Variants in JAKMIP1 observed in about 807,000 individuals in gnomAD.
JAKMIP1 encodes the protein janus kinase and microtubule-interacting protein 1.
Under a neutral mutation model 113.0 loss-of-function variants are expected in JAKMIP1, and 33 were observed. That is an observed-to-expected ratio of 0.29 (90% CI 0.22 to 0.39). The LOEUF (loss-of-function observed/expected upper bound fraction) is 0.39. Among genes scored for constraint, JAKMIP1 ranks in the 10% least tolerant of loss-of-function variants. The pLI is 1.00. For missense variants in JAKMIP1, 813 were observed against 1,080.5 expected (o/e 0.75, Z 3.47); for synonymous variants, 480 against 459.9 (o/e 1.04, Z -0.56).
In JAKMIP1 at chr4:6,176,663, G is replaced by C. The variant is rs1725377194; in HGVS notation, c.-148+23590C>G. On this transcript the variant is annotated intron_variant, in intron 1 of 20. Coordinates refer to ENST00000409021, the MANE Select transcript of JAKMIP1 (RefSeq NM_001099433.2). The surrounding 1 kb of genome is among the most constrained non-coding windows in gnomAD (Gnocchi z 5.5). The stretch of plus-strand genomic sequence containing the variant: ...TGCAGTGGTAGAATGACTCACCCAA[G>C]GTTCCACTGAACATGCAAAAGGACC... Among the ~76,000 whole-genome samples, 1 of 152,162 alleles carries C rather than the reference G, an allele frequency of 6.6e-6. No individual in the cohort carries two copies. The highest frequency in any genetic ancestry group is 1.5e-5 in the Non-Finnish European group (1 of 68,036).
chr4:6,077,425 G>A (rs1174897789), intron 8 of JAKMIP1, among the ~76,000 whole-genome samples: 7 of 151,478 alleles, frequency 4.6e-5, no homozygotes, highest in Non-Finnish European at 1.0e-4. Context: ...TGGCTCTACC[G>A]ACACCTTAAT....
In JAKMIP1 at chr4:6,048,760, A is replaced by G. The variant is rs1715299013; in HGVS notation, c.2028+97T>C. 1.9e-5 allele frequency: 19 copies of G among 1,006,284 alleles called. No homozygotes were observed. In the South Asian group the frequency reaches 2.3e-4, roughly 12 times the overall value. The allele number at this position is 1,006,284 out of a possible 1,614,324, so 62.3% of individuals were successfully genotyped here. A position where few individuals can be genotyped will look rare whatever the true frequency, so the allele number is the denominator to read the frequency against. On this transcript the variant is annotated intron_variant, in intron 16 of 20. Coordinates refer to ENST00000409021, the MANE Select transcript of JAKMIP1 (RefSeq NM_001099433.2). ...TGCAGACGCAGACGGACTGGAACGC[A>G]TGCTCCCACGCAAAGCAAGACGCCA...
rs1423616419 is a variant in JAKMIP1, at chr4:6,117,553, TG to T, written c.-147-4557del. 4.6e-5 allele frequency among the ~76,000 whole-genome samples: 7 copies of T among 152,256 alleles called. No homozygotes were observed. The East Asian group carries it at 1.2e-3, about 25-fold the overall frequency. ...GAAATTAAAATTGCTAATGAAGTTT[TG>T]GGCACCATTGTCATTGATAACATCT... On this transcript the variant is annotated intron_variant, in intron 1 of 20. Transcript: ENST00000409021.
chr4:6,122,300 TG>T (rs1200989525), intron 1 of JAKMIP1, among the ~76,000 whole-genome samples: 5 of 152,188 alleles, frequency 3.3e-5, no homozygotes, highest in South Asian at 2.1e-4. Flanking sequence ...CACTCCAGCC[TG>T]GGCGACAGAG....
chr4:6,118,187 G>A (rs561605522), intron 1 of JAKMIP1, among the ~76,000 whole-genome samples: 1 of 152,334 alleles, frequency 6.6e-6, no homozygotes, highest in Non-Finnish European at 1.5e-5. Flanking sequence ...TTAATTTGGG[G>A]AAGTAATAAA....
In JAKMIP1 at chr4:6,078,932, G is replaced by C; in HGVS notation, c.1302+7C>G. ...AAGGTAGGGCAGGTGCACCATCGCA[G>C]GCTCACCTTGGGCGGTTTCAGACTT... is the stretch of plus-strand genomic sequence containing the variant. On this transcript the variant is annotated splice_region_variant and intron_variant, in intron 8 of 20. Coordinates refer to ENST00000409021, the MANE Select transcript of JAKMIP1 (RefSeq NM_001099433.2). 4.3e-6 allele frequency: 7 copies of C among 1,614,132 alleles called. No individual in the cohort carries two copies. The highest frequency in any genetic ancestry group is 5.9e-6 in the Non-Finnish European group (7 of 1,179,974).
At chr4:6,117,159 G>T (rs1294031410) in intron 1 of JAKMIP1, among the ~76,000 whole-genome samples, 4 of 152,210 alleles carry the variant, frequency 2.6e-5, no homozygotes, top group African/African-American at 9.7e-5. Flanking sequence ...GAAGCCATTA[G>T]CAGGGTGTGA....
At position 6,152,318 on chromosome 4, in the gene JAKMIP1, A is replaced by C. The variant is rs201916669; in HGVS notation, c.-147-39321T>G. On this transcript the variant is annotated intron_variant, in intron 1 of 20. Coordinates refer to ENST00000409021, the MANE Select transcript of JAKMIP1 (RefSeq NM_001099433.2). ...ATCAAGAGTCCTCACTCACTCATCC[A>C]AGCCTTCCTTTCTTCCTCTTTGGTG... Among the ~76,000 whole-genome samples, 11 of 152,210 alleles carry C rather than the reference A, an allele frequency of 7.2e-5. No homozygotes were observed. The East Asian group carries it at 2.1e-3, about 29-fold the overall frequency.
At chr4:6,082,560 G>A (rs993836529) in intron 5 of JAKMIP1, among the ~76,000 whole-genome samples, 1 of 151,760 alleles carries the variant, frequency 6.6e-6, no homozygotes, top group Admixed American at 6.6e-5. Context: ...CTTGAGTGCC[G>A]TGGCGTGATT....
chr4:6,092,593 G>A (rs567426769), intron 3 of JAKMIP1, among the ~76,000 whole-genome samples: 12 of 152,188 alleles, frequency 7.9e-5, no homozygotes, highest in Non-Finnish European at 1.3e-4. Flanking sequence ...AATACCCTTC[G>A]TCGTTATTCT....
intron 13 of JAKMIP1, among the ~76,000 whole-genome samples, chr4:6,053,333 C>A (rs1195143571): frequency 6.6e-6 from 1 of 152,232 alleles, no homozygotes; most frequent in Non-Finnish European, 1.5e-5. Flanking sequence ...TGAACAGCAA[C>A]TGATCTCCCT....
rs866755894 is a variant in JAKMIP1, at chr4:6,185,626, C to T, written c.-148+14627G>A. On this transcript the variant is annotated intron_variant, in intron 1 of 20. Coordinates refer to ENST00000409021, the MANE Select transcript of JAKMIP1 (RefSeq NM_001099433.2). This position sits in a 1 kb window ranked among gnomAD's most constrained non-coding sequence, Gnocchi z 5.3. ...TCACGCCACTGCACTCCAGCCTGAG[C>T]GACAGAGGAAGACTCCGTCTCAAAA... is the stretch of plus-strand genomic sequence containing the variant. 2.6e-5 allele frequency among the ~76,000 whole-genome samples: 4 copies of T among 151,944 alleles called. No individual in the cohort carries two copies. The highest frequency in any genetic ancestry group is 2.1e-4 in the South Asian group (1 of 4,800).
chr4:6,045,377 C>A (rs1224924715), intron 16 of JAKMIP1, among the ~76,000 whole-genome samples: 2 of 152,230 alleles, frequency 1.3e-5, no homozygotes, highest in African/African-American at 2.4e-5. Context: ...GTGAGTGAGA[C>A]CTTGCCTGAT....
intron 10 of JAKMIP1, among the ~76,000 whole-genome samples, chr4:6,060,745 T>G (rs778607616): frequency 4.6e-5 from 7 of 152,216 alleles, no homozygotes; most frequent in Non-Finnish European, 7.3e-5. Context: ...AAAACTTGCT[T>G]GGCTTTACAG....
chr4:6,094,647 C>A lies in JAKMIP1; in HGVS notation c.625-9018G>T, dbSNP rs574092415. On this transcript the variant is annotated intron_variant, in intron 3 of 20. Coordinates refer to ENST00000409021, the MANE Select transcript of JAKMIP1 (RefSeq NM_001099433.2). This position sits in a 1 kb window ranked among gnomAD's most constrained non-coding sequence, Gnocchi z 4.2. ...CTAGTTCCCAACAGTGGCACTCTTT[C>A]AAAAATAAAGTTTTAACTCTTATTA... 2.3e-4 allele frequency among the ~76,000 whole-genome samples: 35 copies of A among 152,316 alleles called. No individual in the cohort carries two copies. Among genetic ancestry groups the A allele is most frequent in the African/African-American group, 8.4e-4 (35 of 41,574 alleles).
intron 2 of JAKMIP1, among the ~76,000 whole-genome samples, chr4:6,107,812 A>G (rs1035834979): frequency 3.9e-5 from 6 of 152,204 alleles, no homozygotes; most frequent in African/African-American, 1.4e-4. Flanking sequence ...AACCCTGACT[A>G]CACAACCTTC....
intron 11 of JAKMIP1, among the ~76,000 whole-genome samples, chr4:6,058,364 G>T (rs969433325): frequency 1.4e-4 from 22 of 152,206 alleles, no homozygotes; most frequent in African/African-American, 4.6e-4. Context: ...CTCCTATGTA[G>T]CTGTTAGATA....
At chr4:6,068,503 G>A (rs1718489082) in intron 8 of JAKMIP1, among the ~76,000 whole-genome samples, 1 of 151,798 alleles carries the variant, frequency 6.6e-6, no homozygotes, top group African/African-American at 2.4e-5. Context: ...GCAACGAGTT[G>A]TCTGGGACCC....
intron 18 of JAKMIP1, among the ~76,000 whole-genome samples, chr4:6,039,450 A>C (rs1714020895): frequency 6.6e-6 from 1 of 152,160 alleles, no homozygotes; most frequent in African/African-American, 2.4e-5. Flanking sequence ...AGTTCCATCT[A>C]AAATCACATT....
Sources: gnomAD v4.1 joint callset for allele counts (sites outside exome capture counted in the v4.1 genomes callset) on GRCh38, gnomAD v4.1.1 for gene constraint, Gnocchi (gnomAD v3.1) non-coding constraint, MANE v1.5 for transcripts, NCBI Gene and HGNC (gene_info 2026-07-23, HGNC 2026-07-21) for gene names.